CCP110: variants seen among roughly 807,000 people sequenced by gnomAD.
CCP110 encodes the protein centriolar coiled-coil protein of 110 kDa.
A neutral mutation model predicts 105.5 loss-of-function variants in CCP110; 43 were observed. That is an observed-to-expected ratio of 0.41 (90% CI 0.32 to 0.53). The LOEUF is 0.53. Ranked by LOEUF, CCP110 falls within the 20% of genes least tolerant of loss-of-function variation. The pLI is 0.32. For missense variants in CCP110, 1,016 were observed against 1,189.1 expected, an observed-to-expected ratio of 0.85 and a Z score of 2.14; for synonymous variants, 353 against 392.1, an observed-to-expected ratio of 0.90 and a Z score of 1.18.
chr16:19,539,108 T>C (rs1384974796), intron 4 of CCP110, among the ~76,000 whole-genome samples: 2 of 137,920 alleles, frequency 1.5e-5, no homozygotes, highest in South Asian at 2.2e-4. Flanking sequence ...CCAGATTCCA[T>C]CTCAAAAAAA....
chr16:19,526,268 G>A (rs1332417988), intron 1 of CCP110: 1 of 152,050 alleles, frequency 6.6e-6, no homozygotes, highest in Non-Finnish European at 1.5e-5. Context: ...TTCTAAAATT[G>A]AATTTCATGC....
At chr16:19,540,937 C>A in intron 5 of CCP110, 150 bp downstream of exon 5, 8 of 524,016 alleles carry the variant, frequency 1.5e-5, no homozygotes, top group South Asian at 3.7e-5. Flanking sequence ...TATTTTTTGT[C>A]AAAATATGAA....
chr16:19,535,995 A>G, exon 4 of CCP110: 1 of 1,613,732 alleles, frequency 6.2e-7, no homozygotes, highest in Non-Finnish European at 8.5e-7. Context: ...GAAACAGTTT[A>G]CTCTAATTCA....
At chr16:19,549,345 G>C (rs371565126) in intron 14 of CCP110, among the ~76,000 whole-genome samples, 1 of 152,046 alleles carries the variant, frequency 6.6e-6, no homozygotes, top group African/African-American at 2.4e-5. Flanking sequence ...TAATCACCAG[G>C]CATTGAAGAT....
At chr16:19,552,560 A>G (rs1970678336) in exon 15 of CCP110, 1 of 151,812 alleles carries the variant, frequency 6.6e-6, no homozygotes, top group Non-Finnish European at 1.5e-5. Flanking sequence ...TCAACCAACA[A>G]ATGTTACCAA....
chr16:19,553,233 A>G (rs374433648), exon 15 of CCP110: 1 of 152,218 alleles, frequency 6.6e-6, no homozygotes, highest in African/African-American at 2.4e-5. Flanking sequence ...TTCTTCTCAT[A>G]CAGGTGCCAG....
intron 14 of CCP110, among the ~76,000 whole-genome samples, chr16:19,549,692 A>G (rs1034254898): frequency 6.6e-6 from 1 of 152,230 alleles, no homozygotes; most frequent in African/African-American, 2.4e-5. Flanking sequence ...CCAAACACCA[A>G]ACCTGTGGAA....
intron 5 of CCP110, 76 bp downstream of exon 5, chr16:19,540,863 G>A (rs1970253218): frequency 1.5e-6 from 2 of 1,343,146 alleles, no homozygotes; most frequent in Admixed American, 4.8e-5. Flanking sequence ...GTCATGTATA[G>A]AATACGTGTA....
chr16:19,550,087 T>C (rs994774818), intron 14 of CCP110, among the ~76,000 whole-genome samples: 6 of 152,188 alleles, frequency 3.9e-5, no homozygotes, highest in Non-Finnish European at 5.9e-5. Context: ...CTGTTGCTGT[T>C]GTTTTCTAAA....
At chr16:19,550,798 G>A (rs981118716) in intron 14 of CCP110, among the ~76,000 whole-genome samples, 3 of 152,136 alleles carry the variant, frequency 2.0e-5, no homozygotes, top group Non-Finnish European at 4.4e-5. Flanking sequence ...TGATGTTATC[G>A]TAAGTGATCT....
At chr16:19,544,694 A>C (rs1429877765) in intron 8 of CCP110, 103 bp from the exon 9 acceptor site, 1 of 687,856 alleles carries the variant, frequency 1.5e-6, no homozygotes, top group Non-Finnish European at 2.6e-6. Context: ...GATACTGACG[A>C]AAGACTGTAA....
chr16:19,537,489 G>A (rs141974640), exon 4 of CCP110: 16 of 1,611,076 alleles, frequency 9.9e-6, no homozygotes, highest in Admixed American at 1.7e-5. Context: ...ATAACAAGTG[G>A]AATAACTGAA....
intron 14 of CCP110, among the ~76,000 whole-genome samples, chr16:19,549,381 T>C (rs927318646): frequency 1.3e-5 from 2 of 152,228 alleles, no homozygotes; most frequent in Non-Finnish European, 2.9e-5. Context: ...TTTTAATCTT[T>C]CCATTAATAT....
At chr16:19,547,848 C>T in intron 12 of CCP110, 107 bp from the exon 13 acceptor site, 1 of 775,342 alleles carries the variant, frequency 1.3e-6, no homozygotes, top group Non-Finnish European at 2.3e-6. Flanking sequence ...CATATTATTG[C>T]ATAGTTGACC....
intron 1 of CCP110, chr16:19,526,795 C>T (rs955925007): frequency 6.6e-6 from 1 of 151,988 alleles, no homozygotes; most frequent in African/African-American, 2.4e-5. Context: ...TTTGCATATC[C>T]CACATCATGA....
chr16:19,536,788 T>C, exon 4 of CCP110: 2 of 1,614,152 alleles, frequency 1.2e-6, no homozygotes, highest in South Asian at 2.2e-5. Context: ...GTATGAGTCC[T>C]AAAATGCACC....
chr16:19,551,215 C>G (rs2151487400), exon 15 of CCP110: 1 of 1,611,906 alleles, frequency 6.2e-7, no homozygotes, highest in South Asian at 1.1e-5. Flanking sequence ...CAGGAAAAAT[C>G]CAAAGAAAGC....
At chr16:19,536,255 C>A in exon 4 of CCP110, 1 of 1,613,812 alleles carries the variant, frequency 6.2e-7, no homozygotes, top group East Asian at 2.2e-5. Context: ...AGCAACCCCA[C>A]AAGAAACTCT....
At chr16:19,542,139 T>G in intron 6 of CCP110, 75 bp downstream of exon 6, 1 of 984,526 alleles carries the variant, frequency 1.0e-6, no homozygotes, top group Non-Finnish European at 1.5e-6. Context: ...CACTATAAGA[T>G]TATATCTCCT....
Sources: allele counts gnomAD v4.1 joint callset (sites outside exome capture counted in the v4.1 genomes callset), GRCh38; gene constraint gnomAD v4.1.1; transcripts MANE v1.5; gene names NCBI Gene and HGNC (gene_info 2026-07-23, HGNC 2026-07-21).